The following CPA6 variants were observed in gnomAD, a reference collection of about 807,000 sequenced individuals.
The protein encoded by CPA6 is carboxypeptidase A6, also known as carboxypeptidase B.
CPA6 carries 58 observed loss-of-function variants against 63.3 expected under a neutral mutation model. The ratio of observed to expected loss-of-function variants is 0.92; its 90% CI spans 0.74 to 1.14. The LOEUF (loss-of-function observed/expected upper bound fraction) is 1.14, where lower values mean the gene tolerates loss of function less well. CPA6 is among the 50% of genes most tolerant of loss of function. CPA6 has a pLI of 0.00. For missense variants in CPA6, 565 were observed against 526.6 expected, an observed-to-expected ratio of 1.07 and a Z score of -0.71; for synonymous variants, 185 against 179.0, an observed-to-expected ratio of 1.03 and a Z score of -0.27.
chr8:67,515,366 T>C (rs1411864021), intron 3 of CPA6, among the ~76,000 whole-genome samples: 1 of 152,170 alleles, frequency 6.6e-6, no homozygotes, highest in Non-Finnish European at 1.5e-5. Context: ...TCCCTTCCTT[T>C]GTAAATGAAC....
intron 1 of CPA6, among the ~76,000 whole-genome samples, chr8:67,633,419 C>T (rs1386136026): frequency 4.6e-5 from 7 of 152,192 alleles, no homozygotes; most frequent in African/African-American, 9.6e-5. Context: ...CGTTGGCTCA[C>T]GCCTGTAATC....
In CPA6 at chr8:67,746,300, T is replaced by C. The variant is rs1818011465; in HGVS notation, c.-171A>G. ...TCCAGCTACAAGGGAAAAAAAAAGT[T>C]CAGGCAGCTGAGGAAGGGAAGTTGC... On this transcript the variant is annotated 5_prime_UTR_variant, in exon 1 of 11. Coordinates refer to ENST00000297770, the MANE Select transcript of CPA6 (RefSeq NM_020361.5). 2.1e-6 allele frequency: 1 copy of C among 480,208 alleles called. No individual in the cohort carries two copies. The highest frequency in any genetic ancestry group is 3.4e-5 in the Admixed American group (1 of 29,768). 29.7% of individuals were successfully genotyped at this position (480,208 alleles called of 1,614,324 possible).
At chr8:67,517,631 A>G (rs1563983559) in intron 3 of CPA6, among the ~76,000 whole-genome samples, 1 of 151,840 alleles carries the variant, frequency 6.6e-6, no homozygotes, top group African/African-American at 2.4e-5. Flanking sequence ...CTTCTCATCC[A>G]CCCTCTAGGC....
chr8:67,736,146 C>T (rs1222987294), intron 1 of CPA6, among the ~76,000 whole-genome samples: 3 of 152,134 alleles, frequency 2.0e-5, no homozygotes, highest in East Asian at 1.9e-4. Flanking sequence ...TCTGTGGAGA[C>T]CTGACTCCAT....
chr8:67,555,872 C>T (rs924374254), intron 2 of CPA6, among the ~76,000 whole-genome samples: 2 of 152,186 alleles, frequency 1.3e-5, no homozygotes, highest in African/African-American at 4.8e-5. Context: ...TATTATATTA[C>T]ATTCACCCAT....
chr8:67,661,595 C>A (rs747022595), intron 1 of CPA6, among the ~76,000 whole-genome samples: 9 of 152,268 alleles, frequency 5.9e-5, no homozygotes, highest in Non-Finnish European at 8.8e-5. Context: ...AACTGTGGGT[C>A]ACTGTAAAGC....
intron 4 of CPA6, among the ~76,000 whole-genome samples, chr8:67,509,934 TG>T (rs545720805): frequency 6.6e-6 from 1 of 152,170 alleles, no homozygotes; most frequent in South Asian, 2.1e-4. Flanking sequence ...CTAGTTTTTT[TG>T]AAAATCAGAA....
At chr8:67,515,644 T>C (rs1812128866) in intron 3 of CPA6, among the ~76,000 whole-genome samples, 1 of 152,188 alleles carries the variant, frequency 6.6e-6, no homozygotes, top group South Asian at 2.1e-4. Flanking sequence ...GCCTTGATGT[T>C]CCTGCCCCAG....
intron 1 of CPA6, among the ~76,000 whole-genome samples, chr8:67,709,335 T>A (rs1817203807): frequency 6.6e-6 from 1 of 152,200 alleles, no homozygotes; most frequent in Non-Finnish European, 1.5e-5. Context: ...TTTACCTCAT[T>A]TCGTTCATGC....
chr8:67,532,652 C>A (rs1042115565), intron 2 of CPA6, among the ~76,000 whole-genome samples: 6 of 151,982 alleles, frequency 3.9e-5, no homozygotes, highest in Non-Finnish European at 8.8e-5. Flanking sequence ...GGGCAACAGA[C>A]CAAGACCCTG....
intron 2 of CPA6, among the ~76,000 whole-genome samples, chr8:67,583,543 C>G (rs184380869): frequency 2.0e-5 from 3 of 152,068 alleles, no homozygotes; most frequent in Admixed American, 2.0e-4. Flanking sequence ...AGTTGAAAGT[C>G]TGTAGGGGGT....
chr8:67,521,298 T>C (rs1812252972), intron 2 of CPA6, among the ~76,000 whole-genome samples: 1 of 152,246 alleles, frequency 6.6e-6, no homozygotes, highest in Non-Finnish European at 1.5e-5. Flanking sequence ...GGCCAAGGTA[T>C]TTCAGTGTCT....
chr8:67,591,264 T>G (rs933293050), intron 2 of CPA6, among the ~76,000 whole-genome samples: 4 of 152,182 alleles, frequency 2.6e-5, no homozygotes, highest in African/African-American at 9.7e-5. Context: ...TTGGTACCAG[T>G]ACCATGCTGT....
chr8:67,503,293 C>G (rs1811864504), intron 6 of CPA6, among the ~76,000 whole-genome samples: 1 of 151,146 alleles, frequency 6.6e-6, no homozygotes, highest in South Asian at 2.1e-4. Context: ...CCTGCCTAGG[C>G]CTCCCAGAGT....
intron 1 of CPA6, among the ~76,000 whole-genome samples, chr8:67,637,859 A>C (rs1216972327): frequency 6.6e-6 from 1 of 151,430 alleles, no homozygotes; most frequent in East Asian, 1.9e-4. Flanking sequence ...ACATTAGTTT[A>C]GTGGTTTTGA....
intron 8 of CPA6, among the ~76,000 whole-genome samples, chr8:67,475,817 C>CTTTT (rs1554666491): frequency 1.9e-4 from 6 of 31,566 alleles, no homozygotes; most frequent in East Asian, 8.8e-4. Flanking sequence ...TTCTTTCTTT[C>CTTTT]CTTTCTTTTC....
intron 1 of CPA6, among the ~76,000 whole-genome samples, chr8:67,721,280 C>T (rs984813379): frequency 6.6e-6 from 1 of 152,226 alleles, no homozygotes; most frequent in Non-Finnish European, 1.5e-5. Context: ...ACCATGCGTG[C>T]CATTTGCTTT....
chr8:67,635,066 A>T (rs933723982), intron 1 of CPA6, among the ~76,000 whole-genome samples: 6 of 151,218 alleles, frequency 4.0e-5, no homozygotes, highest in Non-Finnish European at 7.4e-5. Flanking sequence ...TTTAAAAAAA[A>T]TTTTGTAGAC....
intron 2 of CPA6, among the ~76,000 whole-genome samples, chr8:67,583,326 A>G (rs917274572): frequency 1.3e-5 from 2 of 152,276 alleles, no homozygotes; most frequent in Admixed American, 6.5e-5. Flanking sequence ...GGAATGGAAT[A>G]AAAAAGGAGA....
Sources: allele counts gnomAD v4.1 joint callset (sites outside exome capture counted in the v4.1 genomes callset), GRCh38; gene constraint gnomAD v4.1.1; transcripts MANE v1.5; gene names NCBI Gene and HGNC (gene_info 2026-07-23, HGNC 2026-07-21).